Variants in CHN2 observed in about 807,000 individuals in gnomAD.
CHN2 encodes chimerin 2.
In CHN2, 35 loss-of-function variants were observed where a neutral mutation model predicts 56.3. The ratio of observed to expected loss-of-function variants is 0.62; its 90% confidence interval spans 0.47 to 0.82. The LOEUF (loss-of-function observed/expected upper bound fraction) is 0.82. CHN2 is among the 40% of genes least tolerant of loss of function. The pLI, the probability that CHN2 is intolerant of heterozygous loss-of-function variation, is 0.00. For missense variants in CHN2, 491 were observed against 580.5 expected (o/e 0.85, Z 1.58); for synonymous variants, 210 against 212.8 (o/e 0.99, Z 0.12).
intron 7 of CHN2, among the ~76,000 whole-genome samples, chr7:29,481,143 A>G (rs538331962): frequency 7.0e-4 from 107 of 152,316 alleles, no homozygotes; most frequent in South Asian, 6.8e-3. Flanking sequence ...CTTGAATTGC[A>G]GTTGAGAGGA....
intron 1 of CHN2, among the ~76,000 whole-genome samples, chr7:29,354,004 CT>C (rs954031054): frequency 2.0e-5 from 3 of 152,192 alleles, no homozygotes; most frequent in African/African-American, 7.2e-5. Flanking sequence ...CAATTTCAGC[CT>C]CTCCACTTTG....
At chr7:29,336,141 G>T (rs947749350) in intron 1 of CHN2, 2 of 152,182 alleles carry the variant, frequency 1.3e-5, no homozygotes, top group African/African-American at 4.8e-5. Context: ...ATTCCTCCTG[G>T]AGAATCTCCC....
chr7:29,375,192 T>A (rs1167810976), intron 3 of CHN2, among the ~76,000 whole-genome samples: 62 of 18,272 alleles, frequency 3.4e-3, no homozygotes, highest in Non-Finnish European at 1.7e-4. Flanking sequence ...GCTCGGCCCT[T>A]TTTTTTTTTT....
At chr7:29,290,173 C>T (rs534687663) in intron 1 of CHN2, among the ~76,000 whole-genome samples, 2 of 152,224 alleles carry the variant, frequency 1.3e-5, no homozygotes, top group East Asian at 3.8e-4. Flanking sequence ...GACCGTTTGA[C>T]CAAACATGCT....
At chr7:29,246,237 G>C (rs79532575) in intron 1 of CHN2, among the ~76,000 whole-genome samples, 26 of 152,222 alleles carry the variant, frequency 1.7e-4, no homozygotes, top group African/African-American at 6.3e-4. Flanking sequence ...ATTACTTCTT[G>C]TCTCAGGCAG....
chr7:29,364,671 A>G (rs545929685), intron 2 of CHN2, among the ~76,000 whole-genome samples: 1 of 152,352 alleles, frequency 6.6e-6, no homozygotes, highest in East Asian at 1.9e-4. Context: ...AGGAATGTCT[A>G]CAACTGTTTC....
At chr7:29,284,945 A>T (rs1584959824) in intron 1 of CHN2, among the ~76,000 whole-genome samples, 1 of 152,200 alleles carries the variant, frequency 6.6e-6, no homozygotes, top group Non-Finnish European at 1.5e-5. Flanking sequence ...TAAATCCTGG[A>T]ACTTCAGGGT....
intron 3 of CHN2, among the ~76,000 whole-genome samples, chr7:29,373,799 G>T (rs528189681): frequency 6.6e-6 from 1 of 152,100 alleles, no homozygotes; most frequent in African/African-American, 2.4e-5. Flanking sequence ...AGGCCATATT[G>T]ATTGACCATA....
chr7:29,496,912 A>C (rs1376261053), intron 8 of CHN2, among the ~76,000 whole-genome samples: 2 of 152,182 alleles, frequency 1.3e-5, no homozygotes, highest in Non-Finnish European at 2.9e-5. Context: ...ACCCTGACTG[A>C]CTTCTTCCTT....
Position 29,153,034 on chromosome 7 carries a change from G to A in CHN2, c.274+6074G>A, listed in dbSNP as rs538542945. On this transcript the variant is annotated intron_variant, in intron 2 of 6. Transcript: ENST00000439384. ...CACAGGGAAGGATGTCCAGGAGAAG[G>A]ACAGGTGTAAAGGTAGCACTCTACA... Among the ~76,000 whole-genome samples, 3 of 152,180 alleles carry A rather than the reference G, an allele frequency of 2.0e-5. No homozygotes were observed. The East Asian group carries it at 5.8e-4, about 29-fold the overall frequency.
chr7:29,490,323 T>C (rs1029884081), intron 7 of CHN2, among the ~76,000 whole-genome samples: 3 of 152,130 alleles, frequency 2.0e-5, no homozygotes, highest in Non-Finnish European at 4.4e-5. Flanking sequence ...CAGTTCAATA[T>C]CCCCTTCCGC....
intron 6 of CHN2, among the ~76,000 whole-genome samples, chr7:29,426,148 G>T (rs1291039952): frequency 7.0e-6 from 1 of 142,764 alleles, no homozygotes; most frequent in Non-Finnish European, 1.5e-5. Context: ...GGTGGAGGCT[G>T]CAGTGAGCCG....
At chr7:29,161,510 C>A (rs1447746290) in intron 2 of CHN2, among the ~76,000 whole-genome samples, 1 of 152,132 alleles carries the variant, frequency 6.6e-6, no homozygotes, top group Non-Finnish European at 1.5e-5. Flanking sequence ...TTCACTTTAA[C>A]TTTTCATACC....
At chr7:29,282,101 A>C (rs1224044312) in intron 1 of CHN2, among the ~76,000 whole-genome samples, 1 of 152,224 alleles carries the variant, frequency 6.6e-6, no homozygotes, top group Non-Finnish European at 1.5e-5. Context: ...CTGATAATGC[A>C]TGTCAGCTCA....
chr7:29,342,834 C>G (rs1057483420), intron 1 of CHN2, among the ~76,000 whole-genome samples: 2 of 152,176 alleles, frequency 1.3e-5, no homozygotes, highest in African/African-American at 4.8e-5. Flanking sequence ...GGCCAGGGGC[C>G]GGATACCCAG....
intron 2 of CHN2, among the ~76,000 whole-genome samples, chr7:29,162,820 G>A (rs577207372): frequency 1.1e-3 from 167 of 152,192 alleles, no homozygotes; most frequent in Non-Finnish European, 1.9e-3. Flanking sequence ...GAAGAGGAGG[G>A]AGAGCCTAAC....
intron 6 of CHN2, among the ~76,000 whole-genome samples, chr7:29,420,852 C>G (rs1196874154): frequency 1.3e-5 from 2 of 151,502 alleles, no homozygotes; most frequent in Non-Finnish European, 2.9e-5. Flanking sequence ...CTCTTTTGCC[C>G]AGGCTGGGGT....
intron 1 of CHN2, among the ~76,000 whole-genome samples, chr7:29,322,535 A>G (rs1277197474): frequency 6.6e-6 from 1 of 152,198 alleles, no homozygotes. Flanking sequence ...GAAGATAAAA[A>G]GCAATAATTG....
intron 2 of CHN2, among the ~76,000 whole-genome samples, chr7:29,188,530 TA>T (rs1248488819): frequency 2.6e-5 from 4 of 152,018 alleles, no homozygotes; most frequent in Non-Finnish European, 1.5e-5. Context: ...CTCCTTTTTT[TA>T]TTTTTTTTTT....
Sources: allele counts gnomAD v4.1 joint callset (sites outside exome capture counted in the v4.1 genomes callset), GRCh38; gene constraint gnomAD v4.1.1; transcripts MANE v1.5; gene names NCBI Gene and HGNC (gene_info 2026-07-23, HGNC 2026-07-21).